DSCC1: variants seen among roughly 807,000 people sequenced by gnomAD.
DSCC1 encodes sister chromatid cohesion protein DCC1.
A neutral mutation model predicts 48.2 loss-of-function variants in DSCC1; 32 were observed. The ratio of observed to expected loss-of-function variants is 0.66; its 90% CI spans 0.50 to 0.89. The LOEUF is 0.89. Among genes scored for constraint, DSCC1 ranks in the 40% least tolerant of loss-of-function variants. The pLI is 0.00. For missense variants in DSCC1, 421 were observed against 471.7 expected (o/e 0.89, Z 1.00); for synonymous variants, 150 against 171.5 (o/e 0.87, Z 0.98).
In DSCC1 at chr8:119,855,801, C is replaced by T. The variant is rs780492373; in HGVS notation, c.-6G>A. The T allele has an allele frequency of 1.3e-6, 2 of 1,515,700 alleles. No homozygotes were observed. Among genetic ancestry groups the T allele is most frequent in the Non-Finnish European group, 1.8e-6 (2 of 1,132,234 alleles). 93.9% of individuals were successfully genotyped at this position (1,515,700 alleles called of 1,614,324 possible). ...TCGTCGCGGGTCCTCTTCATCGCAG[C>T]GCCGGGTCTAGGAGTCCCGCCGCGC... On this transcript the variant is annotated 5_prime_UTR_variant, in exon 1 of 9. Transcript: ENST00000313655.
At position 119,853,029 on chromosome 8, in the gene DSCC1, G is replaced by T; in HGVS notation, c.351+18C>A. 1 of 1,548,766 alleles carries T rather than the reference G, an allele frequency of 6.5e-7. No individual in the cohort carries two copies. The highest frequency in any genetic ancestry group is 1.2e-5 in the South Asian group (1 of 80,780). ...TTCATTCTCAGACTTTTATAAATCA[G>T]AGTACAGAAAAGAGCACCTCAGTGT... On this transcript the variant is annotated intron_variant, in intron 2 of 8. Transcript: ENST00000313655.
intron 4 of DSCC1, 80 bp downstream of exon 4, chr8:119,846,910 T>C: frequency 8.0e-7 from 1 of 1,252,796 alleles, no homozygotes; most frequent in Non-Finnish European, 1.2e-6. Flanking sequence ...CTATACGCAG[T>C]AGGGTGAAGA....
intron 6 of DSCC1, 47 bp downstream of exon 6, chr8:119,842,729 C>T: frequency 6.5e-7 from 1 of 1,544,384 alleles, no homozygotes; most frequent in Non-Finnish European, 8.9e-7. Flanking sequence ...AAAGGTATGC[C>T]AGTTTTAACA....
At chr8:119,852,887 T>G (rs1826960869) in intron 2 of DSCC1, 160 bp downstream of exon 2, 2 of 482,656 alleles carry the variant, frequency 4.1e-6, no homozygotes, top group African/African-American at 4.0e-5. Flanking sequence ...AAACAAGCAA[T>G]AATAATAATA....
At chr8:119,838,810 T>C (rs546159779) in intron 7 of DSCC1, 13 of 153,584 alleles carry the variant, frequency 8.5e-5, no homozygotes, top group Admixed American at 2.6e-4. Flanking sequence ...CTTGGCTCAC[T>C]GCAACCTCTG....
At chr8:119,842,325 C>G (rs1429344829) in intron 6 of DSCC1, among the ~76,000 whole-genome samples, 1 of 151,762 alleles carries the variant, frequency 6.6e-6, no homozygotes, top group Non-Finnish European at 1.5e-5. Context: ...ATCCGCACAC[C>G]TTGGCCTCCC....
chr8:119,855,834 G>C lies in DSCC1; in HGVS notation c.-39C>G, dbSNP rs775341760. 1.4e-6 allele frequency: 2 copies of C among 1,422,288 alleles called. No homozygotes were observed. The highest frequency in any genetic ancestry group is 1.5e-5 in the South Asian group (1 of 65,358). The allele number at this position is 1,422,288 out of a possible 1,614,324, so 88.1% of individuals were successfully genotyped here. On this transcript the variant is annotated 5_prime_UTR_variant, in exon 1 of 9. Coordinates refer to ENST00000313655, the MANE Select transcript of DSCC1 (RefSeq NM_024094.3). Reference sequence around the variant, plus strand: ...CTAGGAGTCCCGCCGCGCCCGGGTGGCTGCGGGCTTGGCGGGCAAGAAAGA... The same window carrying C: ...CTAGGAGTCCCGCCGCGCCCGGGTGCCTGCGGGCTTGGCGGGCAAGAAAGA...
At chr8:119,851,319 G>A (rs1826941013) in intron 2 of DSCC1, among the ~76,000 whole-genome samples, 1 of 152,220 alleles carries the variant, frequency 6.6e-6, no homozygotes, top group Non-Finnish European at 1.5e-5. Context: ...GAGCCTGAAG[G>A]AGATGTTGCT....
chr8:119,842,747 G>A, intron 6 of DSCC1, 29 bp downstream of exon 6: 1 of 1,589,870 alleles, frequency 6.3e-7, no homozygotes, highest in Non-Finnish European at 8.6e-7. Context: ...ACATATAAGA[G>A]TTAAATGAGA....
At chr8:119,844,471 A>G (rs1826822240) in intron 4 of DSCC1, among the ~76,000 whole-genome samples, 1 of 151,944 alleles carries the variant, frequency 6.6e-6, no homozygotes, top group Non-Finnish European at 1.5e-5. Context: ...CTTTCTATAA[A>G]CAGTGCTTCT....
At chr8:119,854,326 A>G (rs965364668) in intron 1 of DSCC1, among the ~76,000 whole-genome samples, 1 of 152,250 alleles carries the variant, frequency 6.6e-6, no homozygotes, top group South Asian at 2.1e-4. Context: ...TGGCAATGAC[A>G]GGGGAGTTGG....
chr8:119,841,809 A>G lies in DSCC1; in HGVS notation c.909T>C (p.Ser303=). The G allele has an allele frequency of 6.2e-7, 1 of 1,613,934 alleles. No individual in the cohort carries two copies. Among genetic ancestry groups the G allele is most frequent in the Non-Finnish European group, 8.5e-7 (1 of 1,179,964 alleles). Residue 303 remains serine, a synonymous_variant, in exon 7 of 9, where the codon AGT becomes AGC. Coordinates refer to ENST00000313655, the MANE Select transcript of DSCC1 (RefSeq NM_024094.3). ...QQSVPEGMVT[S]LDQLKGLALV... ...TTGCTATTACCTTAAGCTGATCAAG[A>G]CTAGTTACCATTCCTTCAGGAACAC...
At chr8:119,836,613 C>G (rs776237824) in intron 8 of DSCC1, among the ~76,000 whole-genome samples, 4 of 151,968 alleles carry the variant, frequency 2.6e-5, no homozygotes, top group Non-Finnish European at 5.9e-5. Flanking sequence ...GGAGAAGCAA[C>G]AGTTCTGTTA....
chr8:119,838,210 G>A, intron 8 of DSCC1, 49 bp downstream of exon 8: 1 of 1,495,646 alleles, frequency 6.7e-7, no homozygotes, highest in African/African-American at 1.4e-5. Flanking sequence ...CTGTGCCATT[G>A]ACTATAAAAA....
rs1264904239 is a variant in DSCC1 at position 119,853,163 on chromosome 8, T to C, written c.235A>G (p.Lys79Glu). The stretch of plus-strand genomic sequence containing the variant: ...TCTGCTATCTTCAAGTCGTATGTTT[T>C]GTCTTTACTGCACAGCACAGCTTGC... The part of the protein sequence containing the change: ...DEQAVLCSKD[K>E]TYDLKIADTS... The change falls in exon 2 of 9, where the codon AAA becomes GAA. Residue 79 changes from lysine to glutamate, a missense_variant. Transcript: ENST00000313655. 4 of 1,614,042 alleles carry C rather than the reference T, an allele frequency of 2.5e-6. No homozygotes were observed. The highest frequency in any genetic ancestry group is 2.5e-6 in the Non-Finnish European group (3 of 1,180,020).
At chr8:119,849,129 G>A (rs1826905981) in intron 3 of DSCC1, among the ~76,000 whole-genome samples, 2 of 147,162 alleles carry the variant, frequency 1.4e-5, no homozygotes, top group Non-Finnish European at 3.0e-5. Context: ...AGCTTGCAGT[G>A]AGCCGAGATC....
At chr8:119,844,073 G>A (rs1329843755) in intron 4 of DSCC1, among the ~76,000 whole-genome samples, 1 of 151,962 alleles carries the variant, frequency 6.6e-6, no homozygotes, top group Non-Finnish European at 1.5e-5. Context: ...CACCGTGCCG[G>A]CCCAAAGAAC....
chr8:119,836,885 T>G (rs1826692965), intron 8 of DSCC1, among the ~76,000 whole-genome samples: 1 of 152,084 alleles, frequency 6.6e-6, no homozygotes, highest in Non-Finnish European at 1.5e-5. Flanking sequence ...AAAGAGATGG[T>G]TTTCTCCCCT....
intron 3 of DSCC1, among the ~76,000 whole-genome samples, chr8:119,848,379 G>A (rs1826892519): frequency 6.6e-6 from 1 of 152,164 alleles, no homozygotes; most frequent in South Asian, 2.1e-4. Context: ...TCTGATAAAG[G>A]ACTTGTATCT....
Sources: gnomAD v4.1 joint callset for allele counts (sites outside exome capture counted in the v4.1 genomes callset) on GRCh38, gnomAD v4.1.1 for gene constraint, MANE v1.5 for transcripts, NCBI Gene and HGNC (gene_info 2026-07-23, HGNC 2026-07-21) for gene names.